The following TRPS1 variants were observed in gnomAD, a reference collection of about 807,000 sequenced individuals.
TRPS1 encodes the protein transcriptional repressor GATA binding 1.
In TRPS1, 6 loss-of-function variants were observed where a neutral mutation model predicts 101.2. The observed-to-expected ratio is 0.06, with a 90% confidence interval of 0.03 to 0.12. The LOEUF (loss-of-function observed/expected upper bound fraction) is 0.12. Among genes scored for constraint, TRPS1 ranks in the 10% least tolerant of loss-of-function variants. TRPS1 has a pLI of 1.00. For missense variants in TRPS1, 1,363 were observed against 1,567.0 expected (o/e 0.87, Z 2.20); for synonymous variants, 578 against 589.8 (o/e 0.98, Z 0.29).
At chr8:115,566,025 G>T (rs1817059484) in intron 5 of TRPS1, among the ~76,000 whole-genome samples, 1 of 152,058 alleles carries the variant, frequency 6.6e-6, no homozygotes, top group African/African-American at 2.4e-5. Flanking sequence ...CTCATACCAT[G>T]GCATAGATTT....
intron 5 of TRPS1, among the ~76,000 whole-genome samples, chr8:115,453,685 C>T (rs1327197747): frequency 1.3e-5 from 2 of 152,066 alleles, no homozygotes; most frequent in Admixed American, 6.6e-5. Flanking sequence ...ACATGGTTTC[C>T]GAAACACCTT....
intron 5 of TRPS1, among the ~76,000 whole-genome samples, chr8:115,546,145 C>T (rs764373313): frequency 1.1e-4 from 17 of 151,446 alleles, no homozygotes; most frequent in East Asian, 1.9e-4. Flanking sequence ...AAGCAACTTT[C>T]AAAATAAATA....
intron 5 of TRPS1, among the ~76,000 whole-genome samples, chr8:115,506,251 G>GA (rs893271134): frequency 6.7e-5 from 10 of 149,938 alleles, no homozygotes; most frequent in Non-Finnish European, 1.2e-4. Context: ...AAACATGCAG[G>GA]AAAAAAAAAC....
At chr8:115,421,227 T>TCAAG (rs1813046102) in intron 5 of TRPS1, among the ~76,000 whole-genome samples, 1 of 152,016 alleles carries the variant, frequency 6.6e-6, no homozygotes, top group Non-Finnish European at 1.5e-5. Flanking sequence ...TCAAGTGATC[T>TCAAG]GCCCGCCTCG....
chr8:115,541,809 C>T (rs182454367), intron 5 of TRPS1, among the ~76,000 whole-genome samples: 1 of 152,058 alleles, frequency 6.6e-6, no homozygotes. Context: ...AATTCTTGAC[C>T]GTAATACAAT....
chr8:115,441,333 G>A (rs1010125678), intron 5 of TRPS1, among the ~76,000 whole-genome samples: 4 of 152,014 alleles, frequency 2.6e-5, no homozygotes, highest in Admixed American at 2.6e-4. Flanking sequence ...TAAAACTTAC[G>A]GCGCTCTTAA....
chr8:115,410,795 T>C lies in TRPS1; in HGVS notation c.*3228A>G, dbSNP rs907028310. 5 of 152,078 alleles carry C rather than the reference T, an allele frequency of 3.3e-5. No homozygotes were observed. Among genetic ancestry groups the C allele is most frequent in the African/African-American group, 1.2e-4 (5 of 41,418 alleles). 9.4% of individuals were successfully genotyped at this position (152,078 alleles called of 1,614,324 possible). Reference sequence around the variant, plus strand: ...ATAGACAAATAATTTTAAAATATTTTCAGTTTTTAAATGGCACACAATTTT... The same window carrying C: ...ATAGACAAATAATTTTAAAATATTTCCAGTTTTTAAATGGCACACAATTTT... On this transcript the variant is annotated 3_prime_UTR_variant, in exon 7 of 7. Transcript: ENST00000395715.
chr8:115,656,875 C>G, intron 1 of TRPS1, among the ~76,000 whole-genome samples: 1 of 151,750 alleles, frequency 6.6e-6, no homozygotes, highest in East Asian at 1.9e-4. Flanking sequence ...AAGAAAACCC[C>G]GAAAAGATAA....
At chr8:115,482,124 T>C (rs559539572) in intron 5 of TRPS1, among the ~76,000 whole-genome samples, 8 of 152,310 alleles carry the variant, frequency 5.3e-5, no homozygotes, top group African/African-American at 1.7e-4. Flanking sequence ...AGTTGATCTA[T>C]TTTGGTGAAC....
intron 1 of TRPS1, among the ~76,000 whole-genome samples, chr8:115,664,001 G>A (rs930125990): frequency 3.3e-5 from 5 of 151,958 alleles, no homozygotes; most frequent in Non-Finnish European, 7.4e-5. Context: ...CACTGTGATA[G>A]CTCAAAAAGT....
intron 5 of TRPS1, among the ~76,000 whole-genome samples, chr8:115,479,324 G>A (rs985991703): frequency 1.3e-5 from 2 of 152,118 alleles, no homozygotes; most frequent in African/African-American, 4.8e-5. Flanking sequence ...CAATTCAAGT[G>A]AAAAATTATT....
intron 5 of TRPS1, among the ~76,000 whole-genome samples, chr8:115,481,608 C>A (rs184074874): frequency 1.4e-3 from 208 of 152,216 alleles, no homozygotes; most frequent in African/African-American, 4.8e-3. Flanking sequence ...GAAATCTGAG[C>A]AACTACTTTC....
intron 5 of TRPS1, among the ~76,000 whole-genome samples, chr8:115,451,675 A>G (rs1813876391): frequency 6.6e-6 from 1 of 152,162 alleles, no homozygotes; most frequent in Admixed American, 6.5e-5. Context: ...TGCTTCAATG[A>G]CGTTCTGTTC....
chr8:115,461,304 G>GATACATAC (rs57142241), intron 5 of TRPS1, among the ~76,000 whole-genome samples: 114 of 75,446 alleles, frequency 1.5e-3, no homozygotes, highest in African/African-American at 6.0e-3. Context: ...TAGATAGACA[G>GATACATAC]ATACATACAT....
Position 115,414,191 on chromosome 8 carries a change from A to T in TRPS1, c.3717T>A (p.Asp1239Glu), listed in dbSNP as rs969364116. Reference sequence around the variant, plus strand: ...TCATATGCAAAGCATACATCACTTCATCCAGAAAGACAATGCCACAGTGCA... The same window carrying T: ...TCATATGCAAAGCATACATCACTTCTTCCAGAAAGACAATGCCACAGTGCA... ...KCVHCGIVFL[D>E]EVMYALHMSC... The change falls in exon 7 of 7, where the codon GAT (aspartate) becomes GAA (glutamate). Residue 1239 changes from aspartate to glutamate, a missense_variant. Asp to Glu is a conservative substitution (Grantham distance 45, BLOSUM62 2). Around this residue, in one of 5 missense-constraint regions of TRPS1, gnomAD observed 307 missense variants for 392.4 expected, o/e 0.78. Coordinates refer to ENST00000395715, the MANE Select transcript of TRPS1 (RefSeq NM_014112.5). The surrounding 1 kb of genome is among the most constrained non-coding windows in gnomAD (Gnocchi z 4.8). 2.5e-6 allele frequency: 4 copies of T among 1,613,950 alleles called. No individual in the cohort carries two copies. The African/African-American group carries it at 4.0e-5, about 16-fold the overall frequency.
chr8:115,417,583 C>G (rs558128815), intron 6 of TRPS1, among the ~76,000 whole-genome samples: 1 of 152,130 alleles, frequency 6.6e-6, no homozygotes, highest in Non-Finnish European at 1.5e-5. Flanking sequence ...TTCAGTAAGT[C>G]AAATCCATAT....
intron 5 of TRPS1, among the ~76,000 whole-genome samples, chr8:115,522,883 TTTGTTG>T (rs1206011545): frequency 6.6e-6 from 1 of 152,098 alleles, no homozygotes; most frequent in Non-Finnish European, 1.5e-5. Context: ...CTTTGAGTTT[TTTGTTG>T]TTGTTGTTGT....
At chr8:115,573,695 C>T (rs1231213026) in intron 5 of TRPS1, among the ~76,000 whole-genome samples, 4 of 152,118 alleles carry the variant, frequency 2.6e-5, no homozygotes, top group African/African-American at 9.7e-5. Context: ...TCCCTATTTC[C>T]TTCTGAGATA....
chr8:115,608,082 T>C (rs772852600), intron 3 of TRPS1, among the ~76,000 whole-genome samples: 3 of 152,174 alleles, frequency 2.0e-5, no homozygotes, highest in Non-Finnish European at 4.4e-5. Flanking sequence ...TACACGTTCA[T>C]AGAATATTGC....
Sources: gnomAD v4.1 joint callset for allele counts (sites outside exome capture counted in the v4.1 genomes callset) on GRCh38, gnomAD v4.1.1 for gene constraint, gnomAD v4.1.1 regional missense constraint, Gnocchi (gnomAD v3.1) non-coding constraint, MANE v1.5 for transcripts, NCBI Gene and HGNC (gene_info 2026-07-23, HGNC 2026-07-21) for gene names.